The following RPS6KC1 variants were observed in gnomAD, a reference collection of about 807,000 sequenced individuals.
RPS6KC1 encodes the protein ribosomal protein S6 kinase C1, also known as inactive ribosomal protein S6 kinase delta-1.
A neutral mutation model predicts 103.8 loss-of-function variants in RPS6KC1; 54 were observed. The ratio of observed to expected loss-of-function variants is 0.52; its 90% CI spans 0.42 to 0.65. RPS6KC1 has a LOEUF of 0.65. RPS6KC1 is among the 30% of genes least tolerant of loss of function. The pLI, the probability that RPS6KC1 is intolerant of heterozygous loss-of-function variation, is 0.00. For missense variants in RPS6KC1, 1,151 were observed against 1,253.8 expected (o/e 0.92, Z 1.24); for synonymous variants, 439 against 438.7 (o/e 1.00, Z -0.01).
At chr1:213,581,909 T>A in the RPS6KC1 span, among the ~76,000 whole-genome samples, 39 of 152,110 alleles carry the variant, frequency 2.6e-4, no homozygotes, top group African/African-American at 8.9e-4. Context: ...GCAGCTAAAA[T>A]GTCATTTCCT....
the RPS6KC1 span, among the ~76,000 whole-genome samples, chr1:213,491,544 C>CCAAACAAACAAACAAA: frequency 4.0e-5 from 6 of 151,854 alleles, no homozygotes; most frequent in African/African-American, 1.5e-4. Context: ...CAAGACTGTG[C>CCAAACAAACAAACAAA]CAAACAAACA....
At chr1:213,744,627 T>C in the RPS6KC1 span, among the ~76,000 whole-genome samples, 1 of 152,208 alleles carries the variant, frequency 6.6e-6, no homozygotes. Context: ...CAATGATCTC[T>C]AACATCCTTG....
chr1:213,569,086 G>C, the RPS6KC1 span, among the ~76,000 whole-genome samples: 1 of 152,162 alleles, frequency 6.6e-6, no homozygotes, highest in Non-Finnish European at 1.5e-5. Context: ...GGAGTGGTCA[G>C]GGACCCTGGG....
chr1:213,549,579 TTTCTTC>T, the RPS6KC1 span, among the ~76,000 whole-genome samples: 74 of 150,418 alleles, frequency 4.9e-4, no homozygotes, highest in South Asian at 6.3e-4. Flanking sequence ...TTTCTTTTCT[TTTCTTC>T]TTCTTCTTCT....
the RPS6KC1 span, among the ~76,000 whole-genome samples, chr1:213,583,917 T>C: frequency 6.6e-6 from 1 of 151,888 alleles, no homozygotes; most frequent in Non-Finnish European, 1.5e-5. Context: ...TTTGTAGGTC[T>C]GGAGTGAAGC....
At chr1:213,744,494 G>A in the RPS6KC1 span, among the ~76,000 whole-genome samples, 1 of 152,156 alleles carries the variant, frequency 6.6e-6, no homozygotes, top group Non-Finnish European at 1.5e-5. Flanking sequence ...CCTTTCTTAT[G>A]TGGAAGTTCT....
chr1:213,192,335 T>G (rs566116892), intron 8 of RPS6KC1, among the ~76,000 whole-genome samples: 52 of 152,316 alleles, frequency 3.4e-4, no homozygotes, highest in African/African-American at 1.2e-3. Context: ...AGTCATGTTG[T>G]TCTATGGTTT....
chr1:213,461,313 C>T, the RPS6KC1 span, among the ~76,000 whole-genome samples: 2 of 152,148 alleles, frequency 1.3e-5, no homozygotes, highest in East Asian at 3.9e-4. Context: ...ACATTCCATG[C>T]TTATGGATAG....
At chr1:213,289,253 CAAAAAAA>C in the RPS6KC1 span, among the ~76,000 whole-genome samples, 4 of 77,096 alleles carry the variant, frequency 5.2e-5, no homozygotes, top group African/African-American at 2.1e-4. Context: ...GTTGGATGCT[CAAAAAAA>C]AAAAAAAAAA....
chr1:213,646,611 G>C, the RPS6KC1 span, among the ~76,000 whole-genome samples: 1 of 152,078 alleles, frequency 6.6e-6, no homozygotes, highest in African/African-American at 2.4e-5. Context: ...AACAGACAGA[G>C]ACAAGAAAGA....
the RPS6KC1 span, among the ~76,000 whole-genome samples, chr1:213,735,439 G>T: frequency 6.6e-6 from 1 of 152,164 alleles, no homozygotes; most frequent in Non-Finnish European, 1.5e-5. Flanking sequence ...CACCACCCTT[G>T]TTCTATTTCC....
At chr1:213,637,713 G>C in the RPS6KC1 span, among the ~76,000 whole-genome samples, 1 of 152,098 alleles carries the variant, frequency 6.6e-6, no homozygotes, top group Admixed American at 6.6e-5. Flanking sequence ...GAGACTTTCA[G>C]TTGCTCTGTA....
At chr1:213,612,422 A>G in the RPS6KC1 span, among the ~76,000 whole-genome samples, 1 of 152,198 alleles carries the variant, frequency 6.6e-6, no homozygotes, top group Non-Finnish European at 1.5e-5. Flanking sequence ...GTAAGAGCCG[A>G]GGGCCTGAAA....
chr1:213,074,209 G>C (rs2079113602), intron 2 of RPS6KC1, among the ~76,000 whole-genome samples: 1 of 152,116 alleles, frequency 6.6e-6, no homozygotes, highest in Non-Finnish European at 1.5e-5. Flanking sequence ...GTAATTATCT[G>C]AAAAGGAAAC....
At chr1:213,293,584 C>T in the RPS6KC1 span, among the ~76,000 whole-genome samples, 2 of 151,938 alleles carry the variant, frequency 1.3e-5, no homozygotes, top group African/African-American at 4.8e-5. Flanking sequence ...AGTAAAGTTT[C>T]CTGCTTGAGC....
chr1:213,115,643 G>A (rs1572625270), intron 4 of RPS6KC1, among the ~76,000 whole-genome samples: 2 of 151,892 alleles, frequency 1.3e-5, no homozygotes, highest in African/African-American at 2.4e-5. Context: ...TAATTGTGAT[G>A]TTAGGGTGTC....
the RPS6KC1 span, among the ~76,000 whole-genome samples, chr1:213,386,038 C>G: frequency 2.6e-5 from 4 of 152,094 alleles, no homozygotes; most frequent in Non-Finnish European, 5.9e-5. Flanking sequence ...GGAGGTGGGG[C>G]CTGGTGGGAG....
chr1:213,137,799 ATTTT>A (rs869154560), intron 6 of RPS6KC1, among the ~76,000 whole-genome samples: 119 of 13,908 alleles, frequency 8.6e-3, no homozygotes, highest in Non-Finnish European at 0.011. Flanking sequence ...ATATATATAT[ATTTT>A]TTTTTTTTTT....
the RPS6KC1 span, among the ~76,000 whole-genome samples, chr1:213,844,725 G>A: frequency 3.9e-5 from 6 of 152,180 alleles, no homozygotes; most frequent in Non-Finnish European, 8.8e-5. Context: ...AATTTGATAA[G>A]AGAATGGATT....
Sources: gnomAD v4.1 joint callset for allele counts (sites outside exome capture counted in the v4.1 genomes callset) on GRCh38, gnomAD v4.1.1 for gene constraint, MANE v1.5 for transcripts, NCBI Gene and HGNC (gene_info 2026-07-23, HGNC 2026-07-21) for gene names.